Variants in GNAQ observed in about 807,000 individuals in gnomAD.
The protein encoded by GNAQ is G protein subunit alpha q, also known as guanine nucleotide-binding protein G(q) subunit alpha.
A neutral mutation model predicts 43.9 loss-of-function variants in GNAQ; 8 were observed. The observed-to-expected ratio is 0.18, with a 90% CI of 0.11 to 0.33. GNAQ has a LOEUF of 0.33. Among genes scored for constraint, GNAQ ranks in the 10% least tolerant of loss-of-function variants. The pLI is 1.00. For missense variants in GNAQ, 158 were observed against 450.8 expected (o/e 0.35, Z 5.88); for synonymous variants, 155 against 170.7 (o/e 0.91, Z 0.71).
chr9:77,991,461 C>T (rs1053036905), intron 1 of GNAQ, among the ~76,000 whole-genome samples: 2 of 152,214 alleles, frequency 1.3e-5, no homozygotes, highest in African/African-American at 2.4e-5. Flanking sequence ...CACCAGGAAA[C>T]AGGAAGACTA....
intron 5 of GNAQ, among the ~76,000 whole-genome samples, chr9:77,778,652 A>T (rs73453703): frequency 0.11 from 17,107 of 151,784 alleles, 1,136 homozygotes; most frequent in South Asian, 0.19. Context: ...CAGAATGGAT[A>T]AAAAAAACCA....
intron 1 of GNAQ, among the ~76,000 whole-genome samples, chr9:77,979,303 C>A (rs1359552112): frequency 3.3e-5 from 5 of 151,260 alleles, no homozygotes; most frequent in Non-Finnish European, 5.9e-5. Flanking sequence ...TTGCGGTGAG[C>A]CGAGATGGCG....
intron 1 of GNAQ, among the ~76,000 whole-genome samples, chr9:78,008,569 T>TATTTCATTTCATTTCATTTC (rs201289708): frequency 4.8e-5 from 7 of 146,970 alleles, no homozygotes; most frequent in East Asian, 2.0e-4. Context: ...ACTATCGATT[T>TATTTCATTTCATTTCATTTC]ATTTCATTTC....
intron 1 of GNAQ, among the ~76,000 whole-genome samples, chr9:78,017,269 T>C (rs1234241658): frequency 3.9e-5 from 6 of 152,138 alleles, no homozygotes; most frequent in Admixed American, 3.9e-4. Context: ...GGTCACTAAA[T>C]GTAAAGTTGA....
At chr9:77,910,656 T>C (rs1331649582) in intron 2 of GNAQ, among the ~76,000 whole-genome samples, 1 of 152,056 alleles carries the variant, frequency 6.6e-6, no homozygotes, top group Non-Finnish European at 1.5e-5. Context: ...TAATCAGCCA[T>C]ATCAGTTTCT....
At chr9:77,819,160 T>A (rs1827070284) in intron 2 of GNAQ, among the ~76,000 whole-genome samples, 1 of 152,186 alleles carries the variant, frequency 6.6e-6, no homozygotes, top group Admixed American at 6.6e-5. Context: ...TCAGAATTCT[T>A]AGCAAGCTGG....
rs1827148320 is a variant in GNAQ at position 77,823,589 on chromosome 9, G to C, written c.322-7819C>G. Among the ~76,000 whole-genome samples the C allele has an allele frequency of 5.9e-5, 9 of 152,190 alleles. No homozygotes were observed. In the South Asian group the frequency reaches 1.9e-3, roughly 31 times the overall value. ...ACTCACGGTTCTGCAGGCTGTATAG[G>C]AAGCATGAATGGGAGGCCTCAGGAA... On this transcript the variant is annotated intron_variant, in intron 2 of 6. Coordinates refer to ENST00000286548, the MANE Select transcript of GNAQ (RefSeq NM_002072.5).
At chr9:77,727,570 A>G (rs1825417091) in intron 6 of GNAQ, among the ~76,000 whole-genome samples, 1 of 152,188 alleles carries the variant, frequency 6.6e-6, no homozygotes, top group Admixed American at 6.5e-5. Context: ...AGAGCTTAAC[A>G]CTGGGTTACT....
At chr9:77,762,150 C>T (rs1197899704) in intron 5 of GNAQ, among the ~76,000 whole-genome samples, 5 of 136,556 alleles carry the variant, frequency 3.7e-5, no homozygotes, top group Non-Finnish European at 8.0e-5. Context: ...CCCGGCCAGC[C>T]GCCCCGTCCG....
chr9:77,853,934 G>A (rs1232038119), intron 2 of GNAQ, among the ~76,000 whole-genome samples: 1 of 152,086 alleles, frequency 6.6e-6, no homozygotes, highest in African/African-American at 2.4e-5. Context: ...GAGGACAGAG[G>A]TTCCTGAAAT....
At chr9:77,752,077 C>A (rs534811314) in intron 5 of GNAQ, among the ~76,000 whole-genome samples, 1 of 152,298 alleles carries the variant, frequency 6.6e-6, no homozygotes, top group Admixed American at 6.5e-5. Flanking sequence ...AGTATGCACG[C>A]AGTGGGAAGG....
At chr9:77,931,174 GC>G (rs1180669057) in intron 1 of GNAQ, among the ~76,000 whole-genome samples, 3 of 148,366 alleles carry the variant, frequency 2.0e-5, no homozygotes, top group East Asian at 2.0e-4. Flanking sequence ...TTGTAGGACA[GC>G]GGTCCCTGTC....
At chr9:77,912,240 ACAAACT>A (rs1276859699) in intron 2 of GNAQ, among the ~76,000 whole-genome samples, 2 of 152,244 alleles carry the variant, frequency 1.3e-5, no homozygotes, top group Non-Finnish European at 2.9e-5. Context: ...GAGTCCCGAA[ACAAACT>A]CAAACATATA....
chr9:77,778,250 T>C (rs1449395837), intron 5 of GNAQ, among the ~76,000 whole-genome samples: 1 of 151,452 alleles, frequency 6.6e-6, no homozygotes, highest in Non-Finnish European at 1.5e-5. Context: ...CACGTATTCC[T>C]CTATATAAGG....
At chr9:78,016,963 G>A (rs1823847029) in intron 1 of GNAQ, among the ~76,000 whole-genome samples, 1 of 151,878 alleles carries the variant, frequency 6.6e-6, no homozygotes, top group Non-Finnish European at 1.5e-5. Flanking sequence ...GTTACGTTAT[G>A]TTATGTTATG....
rs185965874 is a variant in GNAQ at position 77,963,898 on chromosome 9, T to A, written c.137-41553A>T. ...CTGACTTATTTTTGTTTTCTAATCT[T>A]AAAAAAAAATTTAAAAGGCACCCAT... On this transcript the variant is annotated intron_variant, in intron 1 of 6. Coordinates refer to ENST00000286548, the MANE Select transcript of GNAQ (RefSeq NM_002072.5). 7.0e-3 allele frequency among the ~76,000 whole-genome samples: 1,061 copies of A among 151,652 alleles called. 19 individuals are homozygous for A. The highest frequency in any genetic ancestry group is 0.024 in the African/African-American group (985 of 41,356).
chr9:77,739,571 T>TTAGAAAACA (rs1190484407), intron 5 of GNAQ, among the ~76,000 whole-genome samples: 1 of 152,212 alleles, frequency 6.6e-6, no homozygotes, highest in Non-Finnish European at 1.5e-5. Context: ...CTTTCCTAAC[T>TTAGAAAACA]TAGAAAACAG....
chr9:77,945,348 A>G (rs186487301), intron 1 of GNAQ, among the ~76,000 whole-genome samples: 17 of 150,896 alleles, frequency 1.1e-4, no homozygotes, highest in Admixed American at 2.0e-4. Flanking sequence ...TTTAAAAAAA[A>G]AGAGAGAGAG....
chr9:77,925,974 C>T (rs993414725), intron 1 of GNAQ, among the ~76,000 whole-genome samples: 2 of 152,140 alleles, frequency 1.3e-5, no homozygotes, highest in Non-Finnish European at 2.9e-5. Context: ...AAATAGTTGT[C>T]ATACTGTATT....
Sources: allele counts gnomAD v4.1 joint callset (sites outside exome capture counted in the v4.1 genomes callset), GRCh38; gene constraint gnomAD v4.1.1; transcripts MANE v1.5; gene names NCBI Gene and HGNC (gene_info 2026-07-23, HGNC 2026-07-21).